The following LRP2 variants were observed in gnomAD, a reference collection of about 807,000 sequenced individuals.
The protein encoded by LRP2 is low-density lipoprotein receptor-related protein 2.
A neutral mutation model predicts 531.0 loss-of-function variants in LRP2; 172 were observed. That is an observed-to-expected ratio of 0.32 (90% CI 0.29 to 0.37). The LOEUF (loss-of-function observed/expected upper bound fraction) is 0.37, where lower values mean the gene tolerates loss of function less well. Among genes scored for constraint, LRP2 ranks in the 10% least tolerant of loss-of-function variants. LRP2 has a pLI of 1.00. For synonymous variants in LRP2, 1,992 were observed against 2,027.6 expected, an observed-to-expected ratio of 0.98 and a Z score of 0.47; for missense variants, 5,167 against 5,868.3, an observed-to-expected ratio of 0.88 and a Z score of 3.90.
In LRP2 at chr2:169,128,764, G is replaced by C. The variant is rs778174854; in HGVS notation, c.13867C>G (p.Pro4623Ala). The stretch of plus-strand genomic sequence containing the variant: ...GGGTCTCTTCTCGAAGGAGGCTTAG[G>C]CTTAGCAGGGAGCGAAGGTGATGGA... ...PPPSPSLPAKPKPPSRRDPTP... is the reference protein window; with the variant it reads ...PPPSPSLPAKAKPPSRRDPTP... Residue 4623 changes from proline to alanine, a missense_variant, in exon 79 of 79, where the codon CCT (proline) becomes GCT (alanine). Physicochemically the swap from Pro to Ala is conservative, Grantham distance 27. Transcript: ENST00000649046. The C allele has an allele frequency of 6.2e-7, 1 of 1,613,994 alleles. No homozygotes were observed. The highest frequency in any genetic ancestry group is 1.3e-5 in the African/African-American group (1 of 74,908).
intron 61 of LRP2, among the ~76,000 whole-genome samples, chr2:169,166,996 T>C (rs1686810355): frequency 1.3e-5 from 2 of 152,210 alleles, no homozygotes; most frequent in Admixed American, 6.5e-5. Context: ...CTTGGAAGTA[T>C]TGTTAATAGA....
chr2:169,358,168 G>C (rs990853025), intron 1 of LRP2, among the ~76,000 whole-genome samples: 4 of 152,178 alleles, frequency 2.6e-5, no homozygotes, highest in Admixed American at 1.3e-4. Context: ...AAGGAATCTA[G>C]AAATCTCAAC....
intron 78 of LRP2, 22 bp from the exon 79 acceptor site, chr2:169,128,852 A>G (rs767655609): frequency 2.5e-6 from 4 of 1,613,892 alleles, no homozygotes; most frequent in African/African-American, 1.3e-5. Flanking sequence ...ATGTAACAGG[A>G]ATCAGCCATT....
At chr2:169,257,070 A>G (rs1690332430) in intron 18 of LRP2, 54 bp downstream of exon 18, 1 of 1,606,304 alleles carries the variant, frequency 6.2e-7, no homozygotes, top group Admixed American at 1.7e-5. Context: ...CTGCCTCATT[A>G]TGTGTTCTGC....
chr2:169,272,810 G>C (rs1683453566), intron 15 of LRP2, 117 bp downstream of exon 15: 1 of 1,355,568 alleles, frequency 7.4e-7, no homozygotes, highest in Admixed American at 1.7e-5. Flanking sequence ...CTTATTTGCA[G>C]TCAAGAAGTT....
chr2:169,324,145 A>T (rs1332347930), intron 1 of LRP2, among the ~76,000 whole-genome samples: 1 of 152,184 alleles, frequency 6.6e-6, no homozygotes. Flanking sequence ...TGAAATAGAT[A>T]CTGTTATTAT....
intron 76 of LRP2, among the ~76,000 whole-genome samples, chr2:169,133,587 A>G (rs1685369578): frequency 1.3e-5 from 1 of 74,772 alleles, no homozygotes; most frequent in East Asian, 2.6e-4. Flanking sequence ...TCTCGAGTTC[A>G]AAAGGAGCAT....
chr2:169,357,157 G>A (rs1003180541), intron 1 of LRP2, among the ~76,000 whole-genome samples: 1 of 151,662 alleles, frequency 6.6e-6, no homozygotes, highest in African/African-American at 2.4e-5. Flanking sequence ...GCTAGAATAG[G>A]GCTTCACAAT....
intron 21 of LRP2, among the ~76,000 whole-genome samples, chr2:169,246,241 T>A (rs985277575): frequency 9.9e-5 from 15 of 152,156 alleles, no homozygotes; most frequent in Admixed American, 3.9e-4. Context: ...ATGTGCACAA[T>A]GTGCAGGTTA....
chr2:169,225,532 C>T, intron 32 of LRP2, 79 bp from the exon 33 acceptor site: 5 of 1,487,752 alleles, frequency 3.4e-6, no homozygotes, highest in South Asian at 1.1e-5. Flanking sequence ...ACTGTGGCTA[C>T]TGCCAGCTGC....
chr2:169,130,108 G>A (rs1229095792), intron 77 of LRP2, among the ~76,000 whole-genome samples: 1 of 152,178 alleles, frequency 6.6e-6, no homozygotes, highest in Non-Finnish European at 1.5e-5. Context: ...CCTGCCTCTG[G>A]GCGCTTACAG....
intron 13 of LRP2, among the ~76,000 whole-genome samples, chr2:169,275,821 T>C (rs1683537686): frequency 6.6e-6 from 1 of 151,916 alleles, no homozygotes; most frequent in Admixed American, 6.6e-5. Flanking sequence ...CAACTGATCA[T>C]ACTTGTAATG....
intron 46 of LRP2, among the ~76,000 whole-genome samples, chr2:169,194,201 CAT>C (rs761531491): frequency 6.6e-6 from 1 of 152,154 alleles, no homozygotes; most frequent in African/African-American, 2.4e-5. Flanking sequence ...TACTATTTCA[CAT>C]GTTTCTATTT....
intron 1 of LRP2, 107 bp downstream of exon 1, chr2:169,362,214 G>A: frequency 1.1e-6 from 1 of 945,506 alleles, no homozygotes; most frequent in East Asian, 3.1e-5. Flanking sequence ...GCCGCCGCCC[G>A]GCCCTAGCCC....
At chr2:169,225,893 G>T (rs752391407) in intron 32 of LRP2, among the ~76,000 whole-genome samples, 63 of 152,208 alleles carry the variant, frequency 4.1e-4, no homozygotes, top group Non-Finnish European at 7.6e-4. Flanking sequence ...CTCTGAGGAA[G>T]AGAACTGGAG....
chr2:169,243,643 T>C, intron 22 of LRP2, 121 bp from the exon 23 acceptor site: 2 of 1,181,586 alleles, frequency 1.7e-6, no homozygotes, highest in Non-Finnish European at 2.5e-6. Context: ...TTCAAAATTC[T>C]TTTGAATCAG....
chr2:169,306,704 T>TAGATAATG (rs3836048), intron 4 of LRP2, among the ~76,000 whole-genome samples: 83,929 of 151,256 alleles, frequency 0.55, 24,239 homozygotes, highest in African/African-American at 0.71. Flanking sequence ...TACCTGTTAC[T>TAGATAATG]AGATAATGAA....
Position 169,139,371 on chromosome 2 carries a change from G to C in LRP2, c.13268C>G (p.Thr4423Ser). 6.2e-7 allele frequency: 1 copy of C among 1,614,160 alleles called. No individual in the cohort carries two copies. The highest frequency in any genetic ancestry group is 1.3e-5 in the African/African-American group (1 of 75,044). ...AFSKGISPGT[T>S]AVAVLLTILL... ...GATTGTCAACAGCACAGCTACTGCG[G>C]CTATAGAAGAAGATAGCAGAGAGCA... Residue 4423 changes from threonine (T) to serine (S), a missense_variant and splice_region_variant, in exon 74 of 79, where the codon ACC becomes AGC. By Grantham distance (58) the Thr-to-Ser change is moderately conservative (BLOSUM62 1). Coordinates refer to ENST00000649046, the MANE Select transcript of LRP2 (RefSeq NM_004525.3).
intron 16 of LRP2, among the ~76,000 whole-genome samples, chr2:169,267,885 A>C (rs977122733): frequency 2.0e-5 from 3 of 152,202 alleles, no homozygotes; most frequent in African/African-American, 7.2e-5. Flanking sequence ...GAAAAGAGAG[A>C]AGAATCAACT....
Sources: allele counts gnomAD v4.1 joint callset (sites outside exome capture counted in the v4.1 genomes callset), GRCh38; gene constraint gnomAD v4.1.1; transcripts MANE v1.5; gene names NCBI Gene and HGNC (gene_info 2026-07-23, HGNC 2026-07-21).